The following CYSTM1 variants were observed in gnomAD, a reference collection of about 807,000 sequenced individuals.
CYSTM1 encodes the protein cysteine rich transmembrane module containing 1, also known as cysteine-rich transmembrane module-containing protein 1.
CYSTM1 carries 4 observed loss-of-function variants against 13.1 expected under a neutral mutation model. That is an observed-to-expected ratio of 0.31 (90% CI 0.15 to 0.70). The LOEUF (loss-of-function observed/expected upper bound fraction) is 0.70. Ranked by LOEUF, CYSTM1 falls within the 30% of genes least tolerant of loss-of-function variation. The probability of loss-of-function intolerance (pLI) is 0.72; values close to 1 mark genes in which losing one functional copy is unlikely to be tolerated. For missense variants in CYSTM1, 96 were observed against 121.6 expected (o/e 0.79, Z 0.99); for synonymous variants, 36 against 42.7 (o/e 0.84, Z 0.62).
At chr5:140,231,794 C>T (rs1764619821) in intron 2 of CYSTM1, among the ~76,000 whole-genome samples, 1 of 152,150 alleles carries the variant, frequency 6.6e-6, no homozygotes, top group African/African-American at 2.4e-5. Context: ...TCATAGGCCG[C>T]AAGGGGACAT....
At chr5:140,183,551 A>G (rs1386879093) in intron 1 of CYSTM1, among the ~76,000 whole-genome samples, 2 of 152,202 alleles carry the variant, frequency 1.3e-5, no homozygotes, top group African/African-American at 4.8e-5. Flanking sequence ...GCTTTCAGAT[A>G]GCAGTGTTGG....
intron 2 of CYSTM1, among the ~76,000 whole-genome samples, chr5:140,203,989 G>A (rs1764260185): frequency 6.6e-6 from 1 of 152,096 alleles, no homozygotes; most frequent in South Asian, 2.1e-4. Context: ...TCCTTGCTAG[G>A]TTAACCCCCT....
At chr5:140,205,587 A>G (rs1169703932) in intron 2 of CYSTM1, among the ~76,000 whole-genome samples, 1 of 152,162 alleles carries the variant, frequency 6.6e-6, no homozygotes, top group Non-Finnish European at 1.5e-5. Flanking sequence ...GAATCTAGGT[A>G]GAGTTTTTCC....
At chr5:140,225,117 C>T (rs549959752) in intron 2 of CYSTM1, among the ~76,000 whole-genome samples, 20 of 152,242 alleles carry the variant, frequency 1.3e-4, no homozygotes, top group African/African-American at 2.2e-4. Flanking sequence ...AGAAGTTTGA[C>T]GCTGAGGTGA....
At chr5:140,202,715 C>T (rs1471436753) in intron 2 of CYSTM1, 1 of 152,192 alleles carries the variant, frequency 6.6e-6, no homozygotes, top group East Asian at 1.9e-4. Flanking sequence ...GAGAAAGAAG[C>T]CATTTGGTTT....
chr5:140,177,313 G>A (rs1215326624), intron 1 of CYSTM1, among the ~76,000 whole-genome samples: 1 of 151,880 alleles, frequency 6.6e-6, no homozygotes, highest in Non-Finnish European at 1.5e-5. Context: ...TATTTTTGAG[G>A]CGGAGTCTTG....
chr5:140,240,297 C>T (rs1764732608), intron 2 of CYSTM1, among the ~76,000 whole-genome samples: 3 of 151,878 alleles, frequency 2.0e-5, no homozygotes, highest in Admixed American at 2.0e-4. Context: ...TTTCTGTAAA[C>T]AGTTTAACAT....
intron 2 of CYSTM1, among the ~76,000 whole-genome samples, chr5:140,199,910 T>A (rs1298414155): frequency 6.6e-6 from 1 of 152,268 alleles, no homozygotes; most frequent in East Asian, 1.9e-4. Flanking sequence ...TTTGGACGCA[T>A]AAATGTCTTC....
chr5:140,242,198 G>A (rs1209447327), intron 2 of CYSTM1, among the ~76,000 whole-genome samples: 1 of 152,134 alleles, frequency 6.6e-6, no homozygotes, highest in Admixed American at 6.5e-5. Flanking sequence ...AGTGGACTAG[G>A]ATTAAACCTG....
At chr5:140,194,039 T>G (rs1213970877) in intron 1 of CYSTM1, among the ~76,000 whole-genome samples, 2 of 152,254 alleles carry the variant, frequency 1.3e-5, no homozygotes, top group African/African-American at 4.8e-5. Context: ...AGACTCATAG[T>G]GCTGTTAGAA....
At chr5:140,202,844 C>T (rs1288494569) in intron 2 of CYSTM1, 2 of 152,166 alleles carry the variant, frequency 1.3e-5, no homozygotes, top group Non-Finnish European at 2.9e-5. Flanking sequence ...TTGGGTTTCT[C>T]CACTTCTACT....
chr5:140,192,569 G>T (rs1764106383), intron 1 of CYSTM1, among the ~76,000 whole-genome samples: 2 of 152,106 alleles, frequency 1.3e-5, no homozygotes, highest in Non-Finnish European at 2.9e-5. Context: ...CTTAAAACTG[G>T]CTCCTTCTCA....
Position 140,194,595 on chromosome 5 carries a change from C to G in CYSTM1, c.130C>G (p.Gln44Glu), listed in dbSNP as rs766958021. Residue 44 changes from glutamine to glutamate, a missense_variant, in exon 2 of 3, where the codon CAA (glutamine) becomes GAA (glutamate). Physicochemically the swap from Gln to Glu is conservative, Grantham distance 29. Transcript: ENST00000261811. ...PYPPPQGYPY[Q>E]GYPQYGWQGG... ...CCCACCTCCTCAAGGGTACCCCTAC[C>G]AAGGATACCCACAGTACGGCTGGCA... 12 of 1,613,344 alleles carry G rather than the reference C, an allele frequency of 7.4e-6. No homozygotes were observed. In the South Asian group the frequency reaches 1.3e-4, roughly 18 times the overall value.
intron 1 of CYSTM1, among the ~76,000 whole-genome samples, chr5:140,189,864 T>C (rs1764068972): frequency 6.6e-6 from 1 of 152,232 alleles, no homozygotes; most frequent in African/African-American, 2.4e-5. Context: ...GTATACTTTC[T>C]TCTAAAAGCT....
intron 2 of CYSTM1, among the ~76,000 whole-genome samples, chr5:140,241,440 G>A (rs2126674263): frequency 6.6e-6 from 1 of 152,326 alleles, no homozygotes; most frequent in Non-Finnish European, 1.5e-5. Context: ...TCAATAAATG[G>A]TAACTTAAGA....
intron 1 of CYSTM1, among the ~76,000 whole-genome samples, chr5:140,193,177 T>C (rs1764112782): frequency 6.6e-6 from 1 of 152,238 alleles, no homozygotes; most frequent in African/African-American, 2.4e-5. Flanking sequence ...TAACTATTGA[T>C]GTAAGATATG....
intron 1 of CYSTM1, among the ~76,000 whole-genome samples, chr5:140,178,463 T>TTTTTTTTTTTTTTTTG (rs1763919266): frequency 6.7e-6 from 1 of 148,254 alleles, no homozygotes; most frequent in Non-Finnish European, 1.5e-5. Context: ...TTTTTTTTTT[T>TTTTTTTTTTTTTTTTG]TTTCAGAAAC....
At chr5:140,213,260 G>A (rs1764392206) in intron 2 of CYSTM1, among the ~76,000 whole-genome samples, 1 of 151,300 alleles carries the variant, frequency 6.6e-6, no homozygotes, top group Admixed American at 6.6e-5. Context: ...TAACAAAAAT[G>A]TTTAAAAAGT....
Position 140,233,930 on chromosome 5 carries a change from C to T in CYSTM1, c.188-9375C>T, listed in dbSNP as rs544285201. Among the ~76,000 whole-genome samples, 142 of 152,290 alleles carry T rather than the reference C, an allele frequency of 9.3e-4. 1 individual carries two copies. In the Middle Eastern group the frequency reaches 0.014, roughly 15 times the overall value. On this transcript the variant is annotated intron_variant, in intron 2 of 2. Transcript: ENST00000261811. The stretch of plus-strand genomic sequence containing the variant: ...CGTCTGTAGCCTATCTTTTCATCCC[C>T]TTAACCGTGTCTTCCATGGAGCAAA...
Sources: allele counts gnomAD v4.1 joint callset (sites outside exome capture counted in the v4.1 genomes callset), GRCh38; gene constraint gnomAD v4.1.1; transcripts MANE v1.5; gene names NCBI Gene and HGNC (gene_info 2026-07-23, HGNC 2026-07-21).